Variants in MMRN2 observed in about 807,000 individuals in gnomAD.
The protein encoded by MMRN2 is multimerin-2.
Under a neutral mutation model 68.8 loss-of-function variants are expected in MMRN2, and 53 were observed. The ratio of observed to expected loss-of-function variants is 0.77; its 90% CI spans 0.62 to 0.97. The LOEUF (loss-of-function observed/expected upper bound fraction) is 0.97, where lower values mean the gene tolerates loss of function less well. Among genes scored for constraint, MMRN2 ranks in the 50% least tolerant of loss-of-function variants. The pLI, the probability that MMRN2 is intolerant of heterozygous loss-of-function variation, is 0.00. For missense variants in MMRN2, 1,266 were observed against 1,259.5 expected, an observed-to-expected ratio of 1.01 and a Z score of -0.08; for synonymous variants, 564 against 551.6, an observed-to-expected ratio of 1.02 and a Z score of -0.32.
Position 86,936,899 on chromosome 10 carries a change from A to G in MMRN2, c.2694T>C (p.Cys898=). Residue 898 remains cysteine, a synonymous_variant, in exon 7 of 7, where the codon TGT becomes TGC. Coordinates refer to ENST00000372027, the MANE Select transcript of MMRN2 (RefSeq NM_024756.3). ...VFGGHHRTPV[C]TTGQGSGSTA... Reference sequence around the variant, plus strand: ...TGCTTCCACTCCCCTGCCCAGTGGTACAGACTGGAGTCCGATGGTGACCTC... The same window carrying G: ...TGCTTCCACTCCCCTGCCCAGTGGTGCAGACTGGAGTCCGATGGTGACCTC... The G allele has an allele frequency of 6.2e-7, 1 of 1,614,220 alleles. No individual in the cohort carries two copies. Among genetic ancestry groups the G allele is most frequent in the Non-Finnish European group, 8.5e-7 (1 of 1,180,042 alleles).
At position 86,943,010 on chromosome 10, in the gene MMRN2, G is replaced by T; in HGVS notation, c.1774C>A (p.Leu592Met). The stretch of plus-strand genomic sequence containing the variant: ...AGCAGGGCGGCGAAGGCGCTGTGCA[G>T]CTGGCGCACCTCGTGGCGGGCCTCG... ...AAEARHEVRQLHSAFAALLED... is the reference protein window; with the variant it reads ...AAEARHEVRQMHSAFAALLED... Residue 592 changes from leucine to methionine, a missense_variant, in exon 6 of 7, where the codon CTG becomes ATG. Physicochemically the swap from Leu to Met is conservative, Grantham distance 15. Transcript: ENST00000372027. This position sits in a 1 kb window ranked among gnomAD's most constrained non-coding sequence, Gnocchi z 4.2. 2.8e-6 allele frequency: 4 copies of T among 1,403,830 alleles called. No homozygotes were observed. Among genetic ancestry groups the T allele is most frequent in the Non-Finnish European group, 2.8e-6 (3 of 1,079,122 alleles). 87.0% of individuals were successfully genotyped at this position (1,403,830 alleles called of 1,614,324 possible).
At position 86,957,509 on chromosome 10, in the gene MMRN2, G is replaced by T; in HGVS notation, c.33C>A (p.Gly11=). The change falls in exon 1 of 7, where the codon GGC becomes GGA. Residue 11 remains glycine, a synonymous_variant. Coordinates refer to ENST00000372027, the MANE Select transcript of MMRN2 (RefSeq NM_024756.3). MILSLLFSLG[G]PLGWGLLGAW... ...CCCCCAGCAGCCCCCAGCCCAGGGGGCCCCCAAGGCTGAACAGCAAGCTCA... is the reference window on the plus strand; with the variant it reads ...CCCCCAGCAGCCCCCAGCCCAGGGGTCCCCCAAGGCTGAACAGCAAGCTCA... The T allele has an allele frequency of 6.2e-7, 1 of 1,612,546 alleles. No individual in the cohort carries two copies.
Position 86,945,592 on chromosome 10 carries a change from C to T in MMRN2, c.262G>A (p.Gly88Arg). The T allele has an allele frequency of 6.2e-7, 1 of 1,609,170 alleles. No individual in the cohort carries two copies. The highest frequency in any genetic ancestry group is 8.5e-7 in the Non-Finnish European group (1 of 1,177,828). The change falls in exon 2 of 7, where the codon GGA becomes AGA. Residue 88 changes from glycine to arginine, a missense_variant. By Grantham distance (125) the Gly-to-Arg change is moderately radical. Coordinates refer to ENST00000372027, the MANE Select transcript of MMRN2 (RefSeq NM_024756.3). ...LIHSQQPCPQ[G>R]APDCQKVKVM... ...TTGACTTTCTGGCAGTCTGGAGCTC[C>T]CTGCGGACACGGCTGCTGCGAGTGG...
chr10:86,944,183 G>A lies in MMRN2; in HGVS notation c.656-55C>T, dbSNP rs1589302779. Reference sequence around the variant, plus strand: ...CCTGCAGGAGCAGACACTCCTCCCAGGCTGGGACCAGCGGGGTCCTCCCCT... The same window carrying A: ...CCTGCAGGAGCAGACACTCCTCCCAAGCTGGGACCAGCGGGGTCCTCCCCT... On this transcript the variant is annotated intron_variant, in intron 5 of 6. Coordinates refer to ENST00000372027, the MANE Select transcript of MMRN2 (RefSeq NM_024756.3). 5 of 1,595,496 alleles carry A rather than the reference G, an allele frequency of 3.1e-6. No individual in the cohort carries two copies. In the African/African-American group the frequency reaches 4.0e-5, roughly 13 times the overall value.
intron 1 of MMRN2, among the ~76,000 whole-genome samples, 200 bp downstream of exon 1, chr10:86,957,178 G>A (rs1231451809): frequency 1.3e-5 from 2 of 152,230 alleles, no homozygotes; most frequent in Non-Finnish European, 2.9e-5. Context: ...GGCTCCGACA[G>A]GGAACTCCCT....
intron 1 of MMRN2, among the ~76,000 whole-genome samples, chr10:86,955,709 G>A (rs1157120332): frequency 6.6e-6 from 1 of 152,212 alleles, no homozygotes; most frequent in Non-Finnish European, 1.5e-5. Flanking sequence ...AGGAAGCCGC[G>A]CGTTTCCTTC....
chr10:86,942,282 T>C, intron 6 of MMRN2, 35 bp downstream of exon 6: 1 of 1,564,962 alleles, frequency 6.4e-7, no homozygotes, highest in Non-Finnish European at 8.6e-7. Flanking sequence ...CCTGGCCTCC[T>C]AGGCTCGTCC....
At chr10:86,947,373 CT>C (rs535809280) in intron 1 of MMRN2, among the ~76,000 whole-genome samples, 151 of 145,302 alleles carry the variant, frequency 1.0e-3, no homozygotes, top group South Asian at 2.2e-3. Flanking sequence ...ATTCGAGTGA[CT>C]TTTTTTTTTT....
In MMRN2 at chr10:86,936,356, A is replaced by G; in HGVS notation, c.*387T>C. ...TCTTTCTATCATACGATAAGGGAGA[A>G]GAGAAGAGGAAGCAAGAGAAAAGTT... On this transcript the variant is annotated 3_prime_UTR_variant, in exon 7 of 7. Transcript: ENST00000372027. 2.3e-6 allele frequency: 1 copy of G among 440,078 alleles called. No homozygotes were observed. The highest frequency in any genetic ancestry group is 8.4e-5 in the South Asian group (1 of 11,870). The allele number at this position is 440,078 out of a possible 1,614,324, so 27.3% of individuals were successfully genotyped here. A position where few individuals can be genotyped will look rare whatever the true frequency, so the allele number is the denominator to read the frequency against.
intron 1 of MMRN2, among the ~76,000 whole-genome samples, chr10:86,950,075 G>A (rs559066234): frequency 4.7e-4 from 71 of 151,890 alleles, no homozygotes; most frequent in African/African-American, 1.6e-3. Flanking sequence ...GGCCGGGTAC[G>A]GTGGCTCATG....
At chr10:86,946,189 G>A (rs1235725612) in intron 1 of MMRN2, among the ~76,000 whole-genome samples, 1 of 152,184 alleles carries the variant, frequency 6.6e-6, no homozygotes, top group Non-Finnish European at 1.5e-5. Context: ...CCCTGAGTGA[G>A]GCACTTAGGG....
chr10:86,936,948 G>C lies in MMRN2; in HGVS notation c.2645C>G (p.Pro882Arg), dbSNP rs1359599596. ...FAVSVEFGPG[P>R]GTGQLVFGGH... ...TCCAAACACCAGCTGCCCGGTGCCTGGCCCTGGGCCAAATTCAACGCTCAC... is the reference window on the plus strand; with the variant it reads ...TCCAAACACCAGCTGCCCGGTGCCTCGCCCTGGGCCAAATTCAACGCTCAC... Residue 882 changes from proline (P) to arginine (R), a missense_variant, in exon 7 of 7, where the codon CCA becomes CGA. By Grantham distance (103) the Pro-to-Arg change is moderately radical. Coordinates refer to ENST00000372027, the MANE Select transcript of MMRN2 (RefSeq NM_024756.3). 3.7e-6 allele frequency: 6 copies of C among 1,614,088 alleles called. No individual in the cohort carries two copies. The highest frequency in any genetic ancestry group is 1.7e-5 in the Admixed American group (1 of 60,012).
In MMRN2 at chr10:86,943,915, C is replaced by T. The variant is rs771334698; in HGVS notation, c.869G>A (p.Gly290Asp). Reference sequence around the variant, plus strand: ...CTGGACCTTGGCCTCAAATTTGGCACCAAGCTCCTGGAAGTCAGCCCTGGC... The same window carrying T: ...CTGGACCTTGGCCTCAAATTTGGCATCAAGCTCCTGGAAGTCAGCCCTGGC... ...AVARADFQEL[G>D]AKFEAKVQEN... Residue 290 changes from glycine (G) to aspartate (D), a missense_variant, in exon 6 of 7, where the codon GGT (glycine) becomes GAT (aspartate). Transcript: ENST00000372027. This position sits in a 1 kb window ranked among gnomAD's most constrained non-coding sequence, Gnocchi z 4.2. 2 of 1,613,984 alleles carry T rather than the reference C, an allele frequency of 1.2e-6. No individual in the cohort carries two copies. Among genetic ancestry groups the T allele is most frequent in the Non-Finnish European group, 1.7e-6 (2 of 1,180,048 alleles).
In MMRN2 at chr10:86,937,619, C is replaced by T. The variant is rs566953537; in HGVS notation, c.2468-494G>A. ...TTTCTCGTTTGATCCCTTTTCCTTC[C>T]AACTTCCTTGAGAGACAGTATCCCT... On this transcript the variant is annotated intron_variant, in intron 6 of 6. Coordinates refer to ENST00000372027, the MANE Select transcript of MMRN2 (RefSeq NM_024756.3). Among the ~76,000 whole-genome samples, 4 of 152,244 alleles carry T rather than the reference C, an allele frequency of 2.6e-5. No individual in the cohort carries two copies. The South Asian group carries it at 8.3e-4, about 32-fold the overall frequency.
intron 6 of MMRN2, 28 bp downstream of exon 6, chr10:86,942,289 G>T (rs747508528): frequency 6.4e-7 from 1 of 1,574,304 alleles, no homozygotes; most frequent in East Asian, 2.3e-5. Flanking sequence ...TCCTAGGCTC[G>T]TCCAGTCTCC....
intron 6 of MMRN2, among the ~76,000 whole-genome samples, chr10:86,941,811 A>AAAG (rs1554893516): frequency 1.4e-5 from 2 of 145,650 alleles, no homozygotes; most frequent in African/African-American, 5.1e-5. Flanking sequence ...AAAAAAAAAA[A>AAAG]AAAAGAAAAG....
chr10:86,944,210 C>T (rs1235406316), intron 5 of MMRN2, 52 bp downstream of exon 5: 1 of 1,591,412 alleles, frequency 6.3e-7, no homozygotes, highest in Non-Finnish European at 8.6e-7. Flanking sequence ...TCCTCCCCTC[C>T]TCCCCTCAAT....
At chr10:86,940,688 G>A (rs1263082096) in intron 6 of MMRN2, among the ~76,000 whole-genome samples, 1 of 152,256 alleles carries the variant, frequency 6.6e-6, no homozygotes, top group African/African-American at 2.4e-5. Flanking sequence ...CATAGGGAGG[G>A]TCAGCTGGGG....
chr10:86,956,112 C>T (rs914602558), intron 1 of MMRN2, among the ~76,000 whole-genome samples: 6 of 152,028 alleles, frequency 3.9e-5, no homozygotes, highest in Non-Finnish European at 7.4e-5. Context: ...GAAATCAGAG[C>T]GGAGTGGCTG....
Sources: gnomAD v4.1 joint callset for allele counts (sites outside exome capture counted in the v4.1 genomes callset) on GRCh38, gnomAD v4.1.1 for gene constraint, Gnocchi (gnomAD v3.1) non-coding constraint, MANE v1.5 for transcripts, NCBI Gene and HGNC (gene_info 2026-07-23, HGNC 2026-07-21) for gene names.